Variants in BNC2 observed in about 807,000 individuals in gnomAD.
The protein encoded by BNC2 is zinc finger protein basonuclin-2.
Under a neutral mutation model 76.3 loss-of-function variants are expected in BNC2, and 20 were observed. That is an observed-to-expected ratio of 0.26 (90% CI 0.18 to 0.38). The LOEUF is 0.38. Ranked by LOEUF, BNC2 falls within the 10% of genes least tolerant of loss-of-function variation. The pLI is 1.00. For synonymous variants in BNC2, 582 were observed against 514.8 expected (o/e 1.13, Z -1.77); for missense variants, 1,382 against 1,399.8 (o/e 0.99, Z 0.20).
At chr9:16,496,321 G>T (rs1244585676) in intron 5 of BNC2, among the ~76,000 whole-genome samples, 1 of 152,160 alleles carries the variant, frequency 6.6e-6, no homozygotes. Flanking sequence ...CTAAGATAAA[G>T]AATTCGGAGT....
intron 1 of BNC2, among the ~76,000 whole-genome samples, chr9:16,783,898 C>A (rs1049619605): frequency 6.6e-6 from 1 of 152,028 alleles, no homozygotes; most frequent in Non-Finnish European, 1.5e-5. Context: ...TTTTAAAATT[C>A]TTTTATATTT....
rs1821315465 is a variant in BNC2, at chr9:16,450,330, G to A, written c.670-12806C>T. Among the ~76,000 whole-genome samples the A allele has an allele frequency of 2.6e-5, 4 of 152,174 alleles. No homozygotes were observed. In the South Asian group the frequency reaches 8.3e-4, roughly 32 times the overall value. On this transcript the variant is annotated intron_variant, in intron 5 of 6. Coordinates refer to ENST00000380672, the MANE Select transcript of BNC2 (RefSeq NM_017637.6). Reference sequence around the variant, plus strand: ...GACTGCATCAACTGCAGATAATTTAGAAGAATTTGTTTTTAATCTGAAATC... The same window carrying A: ...GACTGCATCAACTGCAGATAATTTAAAAGAATTTGTTTTTAATCTGAAATC...
At chr9:16,859,152 T>A (rs1324701305) in intron 1 of BNC2, among the ~76,000 whole-genome samples, 1 of 147,194 alleles carries the variant, frequency 6.8e-6, no homozygotes, top group Admixed American at 7.0e-5. Context: ...CACTGAGATA[T>A]CACCTCAACC....
At chr9:16,647,512 G>C (rs958353974) in intron 3 of BNC2, among the ~76,000 whole-genome samples, 1 of 152,170 alleles carries the variant, frequency 6.6e-6, no homozygotes, top group Non-Finnish European at 1.5e-5. Flanking sequence ...ATAGAATGCA[G>C]AGAGAGTTTT....
intron 1 of BNC2, among the ~76,000 whole-genome samples, chr9:16,847,958 T>A (rs1819028611): frequency 6.6e-6 from 1 of 152,190 alleles, no homozygotes; most frequent in African/African-American, 2.4e-5. Context: ...GTGTTCAATC[T>A]CAAAAGACTG....
At chr9:16,423,157 C>G (rs1820740953) in intron 6 of BNC2, among the ~76,000 whole-genome samples, 1 of 152,184 alleles carries the variant, frequency 6.6e-6, no homozygotes, top group Non-Finnish European at 1.5e-5. Flanking sequence ...ATTTTGAGCT[C>G]TCCAGCGACA....
intron 4 of BNC2, among the ~76,000 whole-genome samples, chr9:16,564,806 A>G (rs942470214): frequency 5.1e-5 from 7 of 137,764 alleles, no homozygotes; most frequent in African/African-American, 2.5e-4. Flanking sequence ...TCCACATGTT[A>G]AGATGTATCT....
intron 5 of BNC2, among the ~76,000 whole-genome samples, chr9:16,473,745 C>G (rs775171769): frequency 3.3e-5 from 5 of 152,106 alleles, no homozygotes; most frequent in Non-Finnish European, 5.9e-5. Context: ...TGGTGGTGTA[C>G]TCCTGTAGTC....
At chr9:16,439,239 T>A (rs1821079486) in intron 5 of BNC2, among the ~76,000 whole-genome samples, 2 of 152,162 alleles carry the variant, frequency 1.3e-5, no homozygotes, top group African/African-American at 4.8e-5. Flanking sequence ...TACATGGGAA[T>A]GGACAAACAC....
At chr9:16,454,801 GTTT>G (rs1404635881) in intron 5 of BNC2, among the ~76,000 whole-genome samples, 3 of 152,106 alleles carry the variant, frequency 2.0e-5, no homozygotes, top group Non-Finnish European at 4.4e-5. Context: ...ATATCCAGAA[GTTT>G]TACATAATAT....
intron 1 of BNC2, among the ~76,000 whole-genome samples, chr9:16,764,866 T>G (rs1030385549): frequency 2.7e-5 from 4 of 149,180 alleles, no homozygotes; most frequent in African/African-American, 9.9e-5. Context: ...GAACTCAAAA[T>G]TATCCCAAAA....
chr9:16,839,639 C>T lies in BNC2; in HGVS notation c.3+31007G>A, dbSNP rs77829358. On this transcript the variant is annotated intron_variant, in intron 1 of 6. Transcript: ENST00000380672. ...ACCAACGATTTCATTCCTTCTTAGG[C>T]GCCATCACTATATGCCTATTAGGCA... is the stretch of plus-strand genomic sequence containing the variant. 9.4e-3 allele frequency among the ~76,000 whole-genome samples: 1,429 copies of T among 152,300 alleles called. 26 individuals carry two copies. The highest frequency in any genetic ancestry group is 0.033 in the African/African-American group (1,363 of 41,556).
At chr9:16,692,813 G>A (rs1326487844) in intron 3 of BNC2, among the ~76,000 whole-genome samples, 1 of 152,112 alleles carries the variant, frequency 6.6e-6, no homozygotes, top group African/African-American at 2.4e-5. Context: ...ATCGCTGTCA[G>A]CTCAGAGGGA....
intron 1 of BNC2, among the ~76,000 whole-genome samples, chr9:16,843,567 C>G (rs879334042): frequency 6.6e-6 from 1 of 152,234 alleles, no homozygotes. Context: ...CTCCTGACCT[C>G]AAGTGATCCA....
chr9:16,844,120 T>C (rs967308279), intron 1 of BNC2, among the ~76,000 whole-genome samples: 1 of 151,248 alleles, frequency 6.6e-6, no homozygotes, highest in African/African-American at 2.4e-5. Context: ...ATAAATCTTA[T>C]AAGAGTTTAG....
At chr9:16,461,548 A>G (rs976239967) in intron 5 of BNC2, among the ~76,000 whole-genome samples, 5 of 151,820 alleles carry the variant, frequency 3.3e-5, no homozygotes, top group African/African-American at 1.2e-4. Flanking sequence ...TACTATGAAT[A>G]AACGTTTCAA....
At chr9:16,617,022 C>T (rs374803567) in intron 3 of BNC2, among the ~76,000 whole-genome samples, 92 of 152,230 alleles carry the variant, frequency 6.0e-4, no homozygotes, top group Middle Eastern at 6.8e-3. Context: ...TTGTGAATTA[C>T]AACAGGTAAT....
At chr9:16,807,791 C>G (rs1817948460) in intron 1 of BNC2, among the ~76,000 whole-genome samples, 1 of 152,106 alleles carries the variant, frequency 6.6e-6, no homozygotes, top group Non-Finnish European at 1.5e-5. Context: ...TTTCTGACAC[C>G]TGAAAATTAT....
intron 4 of BNC2, among the ~76,000 whole-genome samples, chr9:16,580,520 T>G (rs990056087): frequency 4.6e-5 from 7 of 152,196 alleles, no homozygotes; most frequent in Non-Finnish European, 7.3e-5. Flanking sequence ...AAAAATGACA[T>G]TCTTCAGAAA....
Sources: allele counts gnomAD v4.1 joint callset (sites outside exome capture counted in the v4.1 genomes callset), GRCh38; gene constraint gnomAD v4.1.1; transcripts MANE v1.5; gene names NCBI Gene and HGNC (gene_info 2026-07-23, HGNC 2026-07-21).